Variants in ATOSB observed in about 807,000 individuals in gnomAD.
ATOSB encodes atos homolog protein B.
the ATOSB span, chr9:35,108,113 G>A: frequency 6.4e-7 from 1 of 1,560,354 alleles, no homozygotes; most frequent in African/African-American, 1.4e-5. Context: ...CAGCCGGAGG[G>A]GAAAAGATGG....
At chr9:35,108,374 G>C in the ATOSB span, 2 of 1,421,546 alleles carry the variant, frequency 1.4e-6, no homozygotes, top group Non-Finnish European at 1.8e-6. Context: ...AGAAGAAAAG[G>C]TGGTCAGGGG....
At chr9:35,106,324 G>C in the ATOSB span, 1 of 1,614,160 alleles carries the variant, frequency 6.2e-7, no homozygotes, top group Admixed American at 1.7e-5. The surrounding 1 kb of genome is among the most constrained non-coding windows in gnomAD (Gnocchi z 4.6). Context: ...TGACGTGCTG[G>C]GGGCAGTATG....
chr9:35,104,674 T>C, the ATOSB span: 2 of 391,358 alleles, frequency 5.1e-6, no homozygotes, highest in Non-Finnish European at 1.1e-5. Context: ...AAGCTGAGTC[T>C]TTGGCTACTG....
the ATOSB span, chr9:35,108,650 G>A: frequency 3.3e-5 from 34 of 1,025,692 alleles, no homozygotes; most frequent in African/African-American, 1.0e-4. Context: ...CTGATGCCTC[G>A]TGCCCCTAGC....
the ATOSB span, among the ~76,000 whole-genome samples, chr9:35,113,517 A>G: frequency 6.6e-6 from 1 of 152,086 alleles, no homozygotes; most frequent in African/African-American, 2.4e-5. Context: ...CCAGCTACTC[A>G]GGAGGCTGAG....
the ATOSB span, among the ~76,000 whole-genome samples, chr9:35,115,368 T>C: frequency 6.6e-6 from 1 of 152,090 alleles, no homozygotes; most frequent in Non-Finnish European, 1.5e-5. Context: ...AGTGTCTTCC[T>C]GTAGTTACTA....
chr9:35,106,135 T>G, the ATOSB span: 2 of 1,521,432 alleles, frequency 1.3e-6, no homozygotes, highest in Non-Finnish European at 9.0e-7. This position sits in a 1 kb window ranked among gnomAD's most constrained non-coding sequence, Gnocchi z 4.6. Flanking sequence ...TCTCCTCACC[T>G]GGCCCTGACT....
the ATOSB span, chr9:35,105,749 C>T: frequency 1.8e-5 from 29 of 1,613,834 alleles, no homozygotes; most frequent in African/African-American, 2.0e-4. This position sits in a 1 kb window ranked among gnomAD's most constrained non-coding sequence, Gnocchi z 5.5. Flanking sequence ...CCCACAGGCA[C>T]CAAAAAGAGG....
At chr9:35,116,216 A>T in the ATOSB span, 2 of 150,126 alleles carry the variant, frequency 1.3e-5, no homozygotes, top group Non-Finnish European at 3.0e-5. Context: ...TCCCCCTCCC[A>T]TCTCAGAGCC....
the ATOSB span, chr9:35,116,370 C>T: frequency 6.5e-6 from 1 of 152,694 alleles, no homozygotes; most frequent in Non-Finnish European, 1.5e-5. Context: ...GAGGTCCCAC[C>T]CCGGCCACGT....
the ATOSB span, chr9:35,105,563 A>C: frequency 9.1e-7 from 1 of 1,096,912 alleles, no homozygotes; most frequent in South Asian, 1.6e-5. The surrounding 1 kb of genome is among the most constrained non-coding windows in gnomAD (Gnocchi z 5.5). Flanking sequence ...ATGTACATAC[A>C]TACATAAAAA....
At chr9:35,105,858 C>CT in the ATOSB span, 1 of 1,613,988 alleles carries the variant, frequency 6.2e-7, no homozygotes, top group African/African-American at 1.3e-5. This position sits in a 1 kb window ranked among gnomAD's most constrained non-coding sequence, Gnocchi z 5.5. Context: ...TAAATAAGGT[C>CT]TAGGGACAGG....
the ATOSB span, chr9:35,106,359 T>C: frequency 1.2e-6 from 2 of 1,614,074 alleles, no homozygotes; most frequent in Non-Finnish European, 1.7e-6. The surrounding 1 kb of genome is among the most constrained non-coding windows in gnomAD (Gnocchi z 4.6). Context: ...ATTTCTGCTG[T>C]GAAGCCCTCA....
At chr9:35,107,685 C>A in the ATOSB span, 1 of 1,609,410 alleles carries the variant, frequency 6.2e-7, no homozygotes, top group Non-Finnish European at 8.5e-7. Flanking sequence ...GCTCTTACCC[C>A]CTATTTGTGC....
At chr9:35,112,686 G>A in the ATOSB span, among the ~76,000 whole-genome samples, 28 of 152,224 alleles carry the variant, frequency 1.8e-4, no homozygotes, top group South Asian at 5.6e-3. Context: ...TCAGCAAGTC[G>A]GATAATTTGG....
the ATOSB span, among the ~76,000 whole-genome samples, chr9:35,112,088 G>A: frequency 3.3e-5 from 5 of 152,162 alleles, no homozygotes; most frequent in Non-Finnish European, 7.3e-5. Flanking sequence ...AACTAGTGAA[G>A]CCCAGGAAGC....
the ATOSB span, chr9:35,107,613 T>C: frequency 1.5e-5 from 24 of 1,594,812 alleles, no homozygotes; most frequent in South Asian, 2.3e-5. Flanking sequence ...ACTGTGCCCA[T>C]TGGCAGTGCC....
chr9:35,106,752 C>G, the ATOSB span: 1 of 1,507,068 alleles, frequency 6.6e-7, no homozygotes, highest in Non-Finnish European at 9.0e-7. This position sits in a 1 kb window ranked among gnomAD's most constrained non-coding sequence, Gnocchi z 4.6. Flanking sequence ...GCCCTGGGGT[C>G]CCCTACTCGG....
At chr9:35,108,478 A>G in the ATOSB span, 1 of 1,321,452 alleles carries the variant, frequency 7.6e-7, no homozygotes, top group South Asian at 1.7e-5. Context: ...AATGTGTACA[A>G]ATCCCTGGAT....
Sources: gnomAD v4.1 joint callset for allele counts (sites outside exome capture counted in the v4.1 genomes callset) on GRCh38, gnomAD v4.1.1 for gene constraint, Gnocchi (gnomAD v3.1) non-coding constraint, MANE v1.5 for transcripts, NCBI Gene and HGNC (gene_info 2026-07-23, HGNC 2026-07-21) for gene names.